The following FMO5 variants were observed in gnomAD, a reference collection of about 807,000 sequenced individuals.
FMO5 encodes the protein flavin containing dimethylaniline monoxygenase 5.
A neutral mutation model predicts 43.6 loss-of-function variants in FMO5; 51 were observed. The observed-to-expected ratio is 1.17, with a 90% CI of 0.93 to 1.48. The LOEUF (loss-of-function observed/expected upper bound fraction) is 1.48. Ranked by LOEUF, FMO5 falls within the 40% of genes most tolerant of loss-of-function variation. The pLI is 0.00. For missense variants in FMO5, 644 were observed against 643.0 expected (o/e 1.00, Z -0.02); for synonymous variants, 187 against 216.5 (o/e 0.86, Z 1.20).
chr1:147,214,280 C>T (rs1172102588), intron 3 of FMO5, among the ~76,000 whole-genome samples: 4 of 151,852 alleles, frequency 2.6e-5, no homozygotes, highest in Non-Finnish European at 5.9e-5. Flanking sequence ...GGCGAAACCC[C>T]GTCTCTACTA....
intron 6 of FMO5, among the ~76,000 whole-genome samples, chr1:147,202,579 A>G (rs1224082474): frequency 1.3e-5 from 2 of 151,998 alleles, no homozygotes; most frequent in Non-Finnish European, 2.9e-5. Context: ...CAGCCTCCCA[A>G]AGTGCTGGGA....
intron 6 of FMO5, chr1:147,203,997 C>G (rs1478159121): frequency 2.6e-6 from 3 of 1,164,824 alleles, no homozygotes; most frequent in Non-Finnish European, 3.9e-6. Flanking sequence ...TTTAGCTTCA[C>G]TAACATCATA....
chr1:147,216,296 C>G (rs1553925069), intron 2 of FMO5, among the ~76,000 whole-genome samples: 1 of 152,162 alleles, frequency 6.6e-6, no homozygotes, highest in African/African-American at 2.4e-5. Flanking sequence ...TCCAGCCTCA[C>G]CACATGAAGA....
chr1:147,185,065 A>G (rs1249305733), downstream of FMO5, among the ~76,000 whole-genome samples: 3 of 152,128 alleles, frequency 2.0e-5, no homozygotes, highest in Non-Finnish European at 4.4e-5. Flanking sequence ...AAATTGATGA[A>G]TATTATTAGA....
chr1:147,220,207 C>A lies in FMO5; in HGVS notation c.136-4265G>T, dbSNP rs114694478. ...TTTAAAAACTCCATCTATAGTAATA[C>A]CCCTGAAATTACATACGTAGGTATA... On this transcript the variant is annotated intron_variant, in intron 2 of 8. Transcript: ENST00000254090. Among the ~76,000 whole-genome samples, 1,486 of 152,166 alleles carry A rather than the reference C, an allele frequency of 9.8e-3. 24 individuals are homozygous for A. Among genetic ancestry groups the A allele is most frequent in the African/African-American group, 0.034 (1,413 of 41,510 alleles).
downstream of FMO5, among the ~76,000 whole-genome samples, chr1:147,185,811 A>G (rs1392852101): frequency 6.6e-6 from 1 of 152,234 alleles, no homozygotes; most frequent in Non-Finnish European, 1.5e-5. Flanking sequence ...TGAAACTTCC[A>G]CAGATGAGAA....
chr1:147,191,106 C>T (rs1656685616), intron 7 of FMO5, among the ~76,000 whole-genome samples: 1 of 152,052 alleles, frequency 6.6e-6, no homozygotes, highest in Admixed American at 6.6e-5. Context: ...GGCTTGGTTC[C>T]AAGACTTTGC....
intron 6 of FMO5, among the ~76,000 whole-genome samples, chr1:147,206,249 T>C (rs1660028033): frequency 2.6e-5 from 4 of 151,400 alleles, no homozygotes; most frequent in Non-Finnish European, 5.9e-5. Context: ...ATGGCGATCA[T>C]TAAAAAGTCA....
At position 147,225,066 on chromosome 1, in the gene FMO5, CCTA is replaced by C. The variant is rs782022125; in HGVS notation, c.-37-3_-37-1del. The C allele has an allele frequency of 9.3e-6, 15 of 1,613,426 alleles. 1 individual carries two copies. In the East Asian group the frequency reaches 3.3e-4, roughly 36 times the overall value. On this transcript the variant is annotated splice_acceptor_variant and splice_polypyrimidine_tract_variant and intron_variant, in intron 1 of 8. Transcript: ENST00000254090. LOFTEE classifies it low-confidence loss of function (5UTR_SPLICE). ...ATCTTCACCTGTTAGTGTCGCCTGT[CCTA>C]AAGAAAGGATGACAAAAGACAAAAA...
chr1:147,213,285 T>G (rs1553924127), intron 4 of FMO5, 23 bp downstream of exon 4: 2 of 1,588,380 alleles, frequency 1.3e-6, no homozygotes, highest in East Asian at 4.5e-5. Context: ...GTCAAGGGTC[T>G]TCCTTCCTGG....
chr1:147,225,790 C>T (rs1663929087), upstream of FMO5: 1 of 152,220 alleles, frequency 6.6e-6, no homozygotes, highest in Non-Finnish European at 1.5e-5. Context: ...ACTCCTCAGA[C>T]ACCGAATTAA....
At position 147,204,537 on chromosome 1, in the gene FMO5, A is replaced by G; in HGVS notation, c.831-3033T>C. On this transcript the variant is annotated intron_variant, in intron 6 of 8. Transcript: ENST00000254090. ...CATGAGCTTTTCTGCAAGCTATTTC[A>G]TAACCTTCTATGACCTCTGAAACTG... 5 of 1,577,938 alleles carry G rather than the reference A, an allele frequency of 3.2e-6. No homozygotes were observed. In the South Asian group the frequency reaches 3.4e-5, roughly 11 times the overall value.
intron 4 of FMO5, among the ~76,000 whole-genome samples, chr1:147,212,988 G>A (rs1553924059): frequency 6.6e-6 from 1 of 151,642 alleles, no homozygotes. Context: ...CTCAATATTT[G>A]TGTTTACTGC....
chr1:147,204,922 T>TG, intron 6 of FMO5: 2 of 1,563,628 alleles, frequency 1.3e-6, no homozygotes, highest in Non-Finnish European at 1.8e-6. Context: ...CTTGGGAACT[T>TG]GAAGCGCCAT....
At chr1:147,221,456 A>G (rs962656641) in intron 2 of FMO5, among the ~76,000 whole-genome samples, 1 of 152,358 alleles carries the variant, frequency 6.6e-6, no homozygotes, top group Non-Finnish European at 1.5e-5. Flanking sequence ...ACATGTTTGT[A>G]CATAAGTGTA....
chr1:147,207,462 G>A (rs587608912), intron 6 of FMO5, among the ~76,000 whole-genome samples: 1 of 152,256 alleles, frequency 6.6e-6, no homozygotes, highest in South Asian at 2.1e-4. Context: ...CTGGTTCTCT[G>A]AGGACCCCAT....
At chr1:147,213,510 A>G (rs782265919) in intron 3 of FMO5, 40 bp from the exon 4 acceptor site, 3 of 1,537,978 alleles carry the variant, frequency 2.0e-6, no homozygotes, top group Non-Finnish European at 2.6e-6. Flanking sequence ...CATCCCTGAC[A>G]TGACTCTCCT....
At chr1:147,193,459 T>C (rs1553919005) in intron 7 of FMO5, among the ~76,000 whole-genome samples, 1 of 152,174 alleles carries the variant, frequency 6.6e-6, no homozygotes, top group Non-Finnish European at 1.5e-5. Context: ...AAAAACCAGC[T>C]CCTGGATTCA....
intron 7 of FMO5, among the ~76,000 whole-genome samples, chr1:147,197,534 T>G (rs1658219298): frequency 6.6e-6 from 1 of 152,096 alleles, no homozygotes; most frequent in Non-Finnish European, 1.5e-5. Context: ...GTTACTCTCA[T>G]ACTGCTCATG....
Sources: allele counts gnomAD v4.1 joint callset (sites outside exome capture counted in the v4.1 genomes callset), GRCh38; gene constraint gnomAD v4.1.1; transcripts MANE v1.5; gene names NCBI Gene and HGNC (gene_info 2026-07-23, HGNC 2026-07-21).